The following RNF220 variants were observed in gnomAD, a reference collection of about 807,000 sequenced individuals.
RNF220 encodes the protein E3 ubiquitin-protein ligase RNF220.
RNF220 carries 7 observed loss-of-function variants against 67.1 expected under a neutral mutation model. That is an observed-to-expected ratio of 0.10 (90% confidence interval 0.06 to 0.20). The LOEUF is 0.20. Ranked by LOEUF, RNF220 falls within the 10% of genes least tolerant of loss-of-function variation. The probability of loss-of-function intolerance (pLI) is 1.00; values close to 1 mark genes in which losing one functional copy is unlikely to be tolerated. For synonymous variants in RNF220, 270 were observed against 283.2 expected (o/e 0.95, Z 0.47); for missense variants, 565 against 740.3 (o/e 0.76, Z 2.75).
intron 2 of RNF220, among the ~76,000 whole-genome samples, chr1:44,493,023 G>T (rs1485737912): frequency 1.3e-5 from 2 of 151,980 alleles, no homozygotes; most frequent in East Asian, 1.9e-4. Context: ...TTCCTGAGTA[G>T]CTGGGACTAC....
chr1:44,473,334 G>A (rs1654987797), intron 2 of RNF220, among the ~76,000 whole-genome samples: 1 of 151,942 alleles, frequency 6.6e-6, no homozygotes, highest in African/African-American at 2.4e-5. Context: ...ATGACATATG[G>A]GACTGCCTGG....
At chr1:44,422,442 T>A (rs970513858) in intron 2 of RNF220, among the ~76,000 whole-genome samples, 1 of 152,220 alleles carries the variant, frequency 6.6e-6, no homozygotes, top group Non-Finnish European at 1.5e-5. Flanking sequence ...CAAGGCTGAT[T>A]TACGGGGAAA....
At chr1:44,583,624 T>G (rs1447500526) in intron 2 of RNF220, among the ~76,000 whole-genome samples, 1 of 152,204 alleles carries the variant, frequency 6.6e-6, no homozygotes, top group Non-Finnish European at 1.5e-5. Flanking sequence ...GAACATCACT[T>G]CTGTGATGTG....
intron 2 of RNF220, among the ~76,000 whole-genome samples, chr1:44,479,980 T>C (rs1655648577): frequency 6.6e-6 from 1 of 152,250 alleles, no homozygotes; most frequent in Non-Finnish European, 1.5e-5. Context: ...AGTTTACCAC[T>C]AAATAATACA....
intron 2 of RNF220, among the ~76,000 whole-genome samples, chr1:44,570,850 G>C (rs1438063358): frequency 6.6e-6 from 1 of 152,130 alleles, no homozygotes; most frequent in Non-Finnish European, 1.5e-5. Context: ...AAGGCGGGTA[G>C]GTCATTTGAG....
At chr1:44,464,353 A>G (rs1287537210) in intron 2 of RNF220, among the ~76,000 whole-genome samples, 1 of 152,208 alleles carries the variant, frequency 6.6e-6, no homozygotes, top group Non-Finnish European at 1.5e-5. Flanking sequence ...TGTTCTTCTC[A>G]TGGTGAGAGG....
At chr1:44,511,292 CG>C (rs1557997989) in intron 2 of RNF220, among the ~76,000 whole-genome samples, 1 of 152,116 alleles carries the variant, frequency 6.6e-6, no homozygotes, top group East Asian at 1.9e-4. Context: ...GAGAGATCCC[CG>C]GGCCTGCGGG....
intron 1 of RNF220, among the ~76,000 whole-genome samples, chr1:44,408,224 G>A (rs1009318327): frequency 3.3e-5 from 5 of 152,068 alleles, no homozygotes; most frequent in Admixed American, 6.5e-5. Context: ...TAATGCACCC[G>A]CTCGCTGAGC....
chr1:44,470,057 G>A lies in RNF220; in HGVS notation c.625+57335G>A, dbSNP rs1458573540. ...CTGGCTGCAGAGTAGAGAATGCATT[G>A]CAGGGAAACAAGAGCAGATGTGCAG... On this transcript the variant is annotated intron_variant, in intron 2 of 14. Transcript: ENST00000361799. 2.8e-5 allele frequency among the ~76,000 whole-genome samples: 4 copies of A among 144,384 alleles called. No homozygotes were observed. In the East Asian group the frequency reaches 5.8e-4, roughly 21 times the overall value. The allele number at this position is 144,384 out of a possible 152,430, so 94.7% of individuals were successfully genotyped here.
At chr1:44,430,509 A>C (rs540782327) in intron 2 of RNF220, among the ~76,000 whole-genome samples, 1 of 152,168 alleles carries the variant, frequency 6.6e-6, no homozygotes, top group Non-Finnish European at 1.5e-5. Context: ...CCATAAATCT[A>C]AAAACTATTC....
intron 2 of RNF220, among the ~76,000 whole-genome samples, chr1:44,558,110 C>T (rs2148280676): frequency 6.6e-6 from 1 of 152,356 alleles, no homozygotes; most frequent in Non-Finnish European, 1.5e-5. Context: ...AGGTCCTTTG[C>T]CAGAACCGTG....
intron 2 of RNF220, among the ~76,000 whole-genome samples, chr1:44,506,707 A>G (rs1012054102): frequency 2.0e-5 from 3 of 152,210 alleles, no homozygotes; most frequent in Admixed American, 6.5e-5. Flanking sequence ...CAAAGCACGA[A>G]CACTGGAGTA....
At chr1:44,461,660 T>C (rs1653771275) in intron 2 of RNF220, among the ~76,000 whole-genome samples, 1 of 152,196 alleles carries the variant, frequency 6.6e-6, no homozygotes. Flanking sequence ...ACTATGCTAA[T>C]TAACTGGGTC....
intron 2 of RNF220, among the ~76,000 whole-genome samples, chr1:44,551,394 C>T (rs961817939): frequency 2.9e-4 from 38 of 133,082 alleles, no homozygotes; most frequent in African/African-American, 9.7e-4. Flanking sequence ...GGATTACAGG[C>T]GTGAGCCACC....
At chr1:44,617,207 G>T (rs1643591784) in intron 3 of RNF220, among the ~76,000 whole-genome samples, 1 of 152,184 alleles carries the variant, frequency 6.6e-6, no homozygotes, top group South Asian at 2.1e-4. Flanking sequence ...ATTCCCGTCG[G>T]ATCGATAAAG....
Position 44,495,117 on chromosome 1 carries a change from G to C in RNF220, c.625+82395G>C, listed in dbSNP as rs944328629. Among the ~76,000 whole-genome samples the C allele has an allele frequency of 2.0e-5, 3 of 152,152 alleles. No individual in the cohort carries two copies. The East Asian group carries it at 5.8e-4, about 29-fold the overall frequency. On this transcript the variant is annotated intron_variant, in intron 2 of 14. Transcript: ENST00000361799. ...AGTCCCAGCTACTCCGGAGGCTGAG[G>C]TGGGAGGATCACTTGAGGCTGGGAG...
chr1:44,406,039 T>G (rs1285720899), intron 1 of RNF220, among the ~76,000 whole-genome samples: 3 of 152,016 alleles, frequency 2.0e-5, no homozygotes, highest in Non-Finnish European at 4.4e-5. Flanking sequence ...AGGCCAGGGC[T>G]GGGTGGTACT....
intron 4 of RNF220, among the ~76,000 whole-genome samples, chr1:44,623,392 A>G (rs1643867390): frequency 6.6e-6 from 1 of 152,218 alleles, no homozygotes; most frequent in South Asian, 2.1e-4. Flanking sequence ...GGCTCAAAGG[A>G]GGGGCCAAGA....
At chr1:44,520,146 A>AGG (rs1659811427) in intron 2 of RNF220, among the ~76,000 whole-genome samples, 2 of 147,350 alleles carry the variant, frequency 1.4e-5, no homozygotes, top group East Asian at 3.9e-4. Context: ...AGAGAGAGAG[A>AGG]AAGAGAGAGA....
Sources: allele counts gnomAD v4.1 joint callset (sites outside exome capture counted in the v4.1 genomes callset), GRCh38; gene constraint gnomAD v4.1.1; transcripts MANE v1.5; gene names NCBI Gene and HGNC (gene_info 2026-07-23, HGNC 2026-07-21).